SPATA31D1: variants seen among roughly 807,000 people sequenced by gnomAD.
The protein encoded by SPATA31D1 is SPATA31 subfamily D member 1, also known as spermatogenesis-associated protein 31D1.
A neutral mutation model predicts 13.2 loss-of-function variants in SPATA31D1; 6 were observed. The observed-to-expected ratio is 0.46, with a 90% confidence interval of 0.25 to 0.90. The LOEUF is 0.90. Ranked by LOEUF, SPATA31D1 falls within the 40% of genes least tolerant of loss-of-function variation. SPATA31D1 has a pLI of 0.18. For missense variants in SPATA31D1, 2,445 were observed against 1,884.7 expected (o/e 1.30, Z -5.50); for synonymous variants, 903 against 718.8 (o/e 1.26, Z -4.10).
rs1248477394 is a variant in SPATA31D1 at position 81,994,845 on chromosome 9, T to C, written c.4375T>C (p.Cys1459Arg). ...VRAEPVQGCP[C>R]NYRAPSCKVT... ...AGCAGAGCCTGTCCAGGGCTGTCCC[T>C]GCAACTACAGGGCTCCCTCCTGCAA... is the stretch of plus-strand genomic sequence containing the variant. Residue 1459 changes from cysteine to arginine, a missense_variant, in exon 4 of 4, where the codon TGC becomes CGC. By Grantham distance (180) the Cys-to-Arg change is radical. Coordinates refer to ENST00000344803, the MANE Select transcript of SPATA31D1 (RefSeq NM_001001670.3). The C allele has an allele frequency of 6.2e-7, 1 of 1,613,958 alleles. No individual in the cohort carries two copies. Among genetic ancestry groups the C allele is most frequent in the Non-Finnish European group, 8.5e-7 (1 of 1,179,880 alleles).
At position 81,993,521 on chromosome 9, in the gene SPATA31D1, C is replaced by G. The variant is rs1352246495; in HGVS notation, c.3051C>G (p.Ser1017=). ...ACCATGACCTTATAGAGACAGATTCCAAAGACGGGGCCTCCACATCCCTTA... is the reference window on the plus strand; with the variant it reads ...ACCATGACCTTATAGAGACAGATTCGAAAGACGGGGCCTCCACATCCCTTA... ...DTDHDLIETD[S]KDGASTSLRR... is the part of the protein sequence containing the mutation. Residue 1017 remains serine, a synonymous_variant, in exon 4 of 4, where the codon TCC becomes TCG. Transcript: ENST00000344803. 1.2e-6 allele frequency: 2 copies of G among 1,613,582 alleles called. No homozygotes were observed.
intron 3 of SPATA31D1, 88 bp from the exon 4 acceptor site, chr9:81,990,685 G>A: frequency 6.7e-7 from 1 of 1,494,246 alleles, no homozygotes; most frequent in Non-Finnish European, 9.0e-7. Context: ...CCTGGGTTGG[G>A]GGCAATGTGA....
chr9:81,989,897 A>G, intron 2 of SPATA31D1, 74 bp downstream of exon 2: 2 of 1,520,534 alleles, frequency 1.3e-6, no homozygotes, highest in Non-Finnish European at 1.8e-6. Flanking sequence ...CAGTCCCATG[A>G]TTTCTTAGAA....
At position 81,993,316 on chromosome 9, in the gene SPATA31D1, C is replaced by T; in HGVS notation, c.2846C>T (p.Thr949Ile). Reference sequence around the variant, plus strand: ...CATTTCGACCTTCCCTCCTCAGCCACCTTCATCTCTCAGGGAGATTCCAAA... The same window carrying T: ...CATTTCGACCTTCCCTCCTCAGCCATCTTCATCTCTCAGGGAGATTCCAAA... ...FSHFDLPSSA[T>I]FISQGDSKDG... is the part of the protein sequence containing the mutation. Residue 949 changes from threonine (T) to isoleucine (I), a missense_variant, in exon 4 of 4, where the codon ACC (threonine) becomes ATC (isoleucine). Physicochemically the swap from Thr to Ile is moderately conservative, Grantham distance 89. Transcript: ENST00000344803. 1 of 1,613,994 alleles carries T rather than the reference C, an allele frequency of 6.2e-7. No homozygotes were observed. Among genetic ancestry groups the T allele is most frequent in the Non-Finnish European group, 8.5e-7 (1 of 1,179,894 alleles).
rs1481788155 is a variant in SPATA31D1 at position 81,991,441 on chromosome 9, T to TC, written c.971_972insC (p.Pro325SerfsTer23). ...TCAAGTCTCACCATCTTGAAGACTT[T>TC]TCCGGAAATGTTATCTCTAGGTGGC... On this transcript the variant is annotated frameshift_variant, in exon 4 of 4. Transcript: ENST00000344803. LOFTEE classifies it low-confidence loss of function (END_TRUNC). The TC allele has an allele frequency of 3.7e-6, 6 of 1,614,016 alleles. No individual in the cohort carries two copies. The highest frequency in any genetic ancestry group is 3.4e-6 in the Non-Finnish European group (4 of 1,179,890).
chr9:81,994,269 G>T lies in SPATA31D1; in HGVS notation c.3799G>T (p.Ala1267Ser). The T allele has an allele frequency of 6.2e-7, 1 of 1,614,002 alleles. No homozygotes were observed. The highest frequency in any genetic ancestry group is 8.5e-7 in the Non-Finnish European group (1 of 1,179,888). Reference sequence around the variant, plus strand: ...CTTGGAGGACAGCGGAATCCGTGTGGCACAGAAGCAGGAGCCCAGGGTCCC... The same window carrying T: ...CTTGGAGGACAGCGGAATCCGTGTGTCACAGAAGCAGGAGCCCAGGGTCCC... ...VHLEDSGIRV[A>S]QKQEPRVPTC... The change falls in exon 4 of 4, where the codon GCA becomes TCA. Residue 1267 changes from alanine to serine, a missense_variant. Transcript: ENST00000344803.
chr9:81,991,672 C>G lies in SPATA31D1; in HGVS notation c.1202C>G (p.Pro401Arg), dbSNP rs779287725. 1.9e-6 allele frequency: 3 copies of G among 1,613,938 alleles called. No individual in the cohort carries two copies. Among genetic ancestry groups the G allele is most frequent in the Non-Finnish European group, 2.5e-6 (3 of 1,179,884 alleles). Residue 401 changes from proline (P) to arginine (R), a missense_variant, in exon 4 of 4, where the codon CCT (proline) becomes CGT (arginine). By Grantham distance (103) the Pro-to-Arg change is moderately radical. Coordinates refer to ENST00000344803, the MANE Select transcript of SPATA31D1 (RefSeq NM_001001670.3). The stretch of plus-strand genomic sequence containing the variant: ...CACTCTGTGGCCAACCTCATAGAGC[C>G]TGTTAACATCTCATTTCTCAGCCAT... The part of the protein sequence containing the change: ...GGHSVANLIE[P>R]VNISFLSHDI...
upstream of SPATA31D1, among the ~76,000 whole-genome samples, chr9:81,987,697 T>C (rs1824880084): frequency 6.6e-6 from 1 of 152,204 alleles, no homozygotes; most frequent in Non-Finnish European, 1.5e-5. Context: ...GTTTTATAGA[T>C]GTTAAATAAT....
chr9:81,992,756 T>A lies in SPATA31D1; in HGVS notation c.2286T>A (p.Asn762Lys). The A allele has an allele frequency of 4.3e-6, 7 of 1,613,788 alleles. No individual in the cohort carries two copies. The highest frequency in any genetic ancestry group is 5.9e-6 in the Non-Finnish European group (7 of 1,179,726). Reference sequence around the variant, plus strand: ...GAAGCTTCCACGAGAGGAGCTCAAATATGCTTTCCATGGAGAATGTGGGGA... The same window carrying A: ...GAAGCTTCCACGAGAGGAGCTCAAAAATGCTTTCCATGGAGAATGTGGGGA... ...FPRSFHERSSNMLSMENVGNY... is the reference protein window; with the variant it reads ...FPRSFHERSSKMLSMENVGNY... The change falls in exon 4 of 4, where the codon AAT becomes AAA. Residue 762 changes from asparagine (N) to lysine (K), a missense_variant. Transcript: ENST00000344803.
rs781008800 is a variant in SPATA31D1 at position 81,992,083 on chromosome 9, C to T, written c.1613C>T (p.Thr538Ile). Residue 538 changes from threonine (T) to isoleucine (I), a missense_variant, in exon 4 of 4, where the codon ACA (threonine) becomes ATA (isoleucine). Physicochemically the swap from Thr to Ile is moderately conservative, Grantham distance 89 (BLOSUM62 -1). Transcript: ENST00000344803. ...MFVFFNGITNTSISHESPVLP... is the reference protein window; with the variant it reads ...MFVFFNGITNISISHESPVLP... ...GTATTCTTCAATGGCATTACAAATA[C>T]ATCTATATCCCATGAATCCCCAGTA... The T allele has an allele frequency of 5.0e-6, 8 of 1,613,616 alleles. No homozygotes were observed. The highest frequency in any genetic ancestry group is 6.8e-6 in the Non-Finnish European group (8 of 1,179,734).
rs1464279857 is a variant in SPATA31D1 at position 81,991,634 on chromosome 9, C to G, written c.1164C>G (p.Ala388=). ...TTCTTACCCTTCATTCTTCTGAGGC[C>G]TTTTTAGGGGGGCACTCTGTGGCCA... is the stretch of plus-strand genomic sequence containing the variant. ...EELLTLHSSE[A]FLGGHSVANL... Residue 388 remains alanine (A), a synonymous_variant, in exon 4 of 4, where the codon GCC becomes GCG. Coordinates refer to ENST00000344803, the MANE Select transcript of SPATA31D1 (RefSeq NM_001001670.3). 2 of 1,613,770 alleles carry G rather than the reference C, an allele frequency of 1.2e-6. No individual in the cohort carries two copies. The highest frequency in any genetic ancestry group is 1.7e-5 in the Admixed American group (1 of 59,998).
At position 81,991,373 on chromosome 9, in the gene SPATA31D1, A is replaced by G; in HGVS notation, c.903A>G (p.Pro301=). The part of the protein sequence containing the change: ...SCARHHGPPI[P]SALPPEDCTV... ...CTCGTCATCACGGACCACCAATCCCATCTGCTTTACCACCGGAAGATTGCA... is the reference window on the plus strand; with the variant it reads ...CTCGTCATCACGGACCACCAATCCCGTCTGCTTTACCACCGGAAGATTGCA... The change falls in exon 4 of 4, where the codon CCA becomes CCG. Residue 301 remains proline (P), a synonymous_variant. Coordinates refer to ENST00000344803, the MANE Select transcript of SPATA31D1 (RefSeq NM_001001670.3). The G allele has an allele frequency of 6.2e-7, 1 of 1,613,986 alleles. No homozygotes were observed. The highest frequency in any genetic ancestry group is 2.2e-5 in the East Asian group (1 of 44,874).
In SPATA31D1 at chr9:81,994,636, G is replaced by T; in HGVS notation, c.4166G>T (p.Gly1389Val). Residue 1389 changes from glycine to valine, a missense_variant, in exon 4 of 4, where the codon GGT becomes GTT. Physicochemically the swap from Gly to Val is moderately radical, Grantham distance 109. Coordinates refer to ENST00000344803, the MANE Select transcript of SPATA31D1 (RefSeq NM_001001670.3). ...CTGTCATCATGTGTGCAGAATATTG[G>T]TCGAGTTATAAGAGCTGCCTTTACT... is the stretch of plus-strand genomic sequence containing the variant. ...SSLSSCVQNI[G>V]RVIRAAFTGT... The T allele has an allele frequency of 2.5e-6, 4 of 1,613,334 alleles. No individual in the cohort carries two copies. Among genetic ancestry groups the T allele is most frequent in the South Asian group, 1.1e-5 (1 of 90,892 alleles).
At position 81,989,833 on chromosome 9, in the gene SPATA31D1, G is replaced by C. The variant is rs746443824; in HGVS notation, c.232+10G>C. On this transcript the variant is annotated intron_variant, in intron 2 of 3. Coordinates refer to ENST00000344803, the MANE Select transcript of SPATA31D1 (RefSeq NM_001001670.3). ...GGTGGGACATTCAAAGGTAATGTCA[G>C]CCTGCTCTATCTGAGCTTCAGGGGT... The C allele has an allele frequency of 5.6e-6, 9 of 1,613,196 alleles. No individual in the cohort carries two copies. Among genetic ancestry groups the C allele is most frequent in the Non-Finnish European group, 7.6e-6 (9 of 1,179,478 alleles).
rs765589245 is a variant in SPATA31D1 at position 81,995,058 on chromosome 9, A to G, written c.4588A>G (p.Thr1530Ala). The G allele has an allele frequency of 8.1e-6, 13 of 1,613,328 alleles. No homozygotes were observed. In the East Asian group the frequency reaches 2.7e-4, roughly 33 times the overall value. ...HRKPVPHPNP[T>A]CRRQVSLVCP... ...GAAGCCTGTGCCACATCCAAACCCCACTTGCCGGCGTCAGGTCAGCCTGGT... is the reference window on the plus strand; with the variant it reads ...GAAGCCTGTGCCACATCCAAACCCCGCTTGCCGGCGTCAGGTCAGCCTGGT... The change falls in exon 4 of 4, where the codon ACT (threonine) becomes GCT (alanine). Residue 1530 changes from threonine to alanine, a missense_variant. Thr to Ala is a moderately conservative substitution (Grantham distance 58, BLOSUM62 0). Transcript: ENST00000344803.
intron 2 of SPATA31D1, chr9:81,990,077 A>T: frequency 3.8e-6 from 2 of 528,892 alleles, no homozygotes. Flanking sequence ...CAACTGAGAT[A>T]TCCAGGAGGG....
rs752421730 is a variant in SPATA31D1, at chr9:81,992,137, C to G, written c.1667C>G (p.Pro556Arg). The change falls in exon 4 of 4, where the codon CCT (proline) becomes CGT (arginine). Residue 556 changes from proline to arginine, a missense_variant. By Grantham distance (103) the Pro-to-Arg change is moderately radical. Transcript: ENST00000344803. ...CCCCCTCCCCAACCTCTGTCCTTGC[C>G]TAGTACCCAACCACTACCCTTGCCT... Reference protein sequence around the residue: ...VLPPPQPLSLPSTQPLPLPQT... With the variant: ...VLPPPQPLSLRSTQPLPLPQT... 11 of 1,613,568 alleles carry G rather than the reference C, an allele frequency of 6.8e-6. No individual in the cohort carries two copies. In the African/African-American group the frequency reaches 1.5e-4, roughly 22 times the overall value.
Position 81,994,033 on chromosome 9 carries a change from G to T in SPATA31D1, c.3563G>T (p.Arg1188Ile). 1.2e-6 allele frequency: 2 copies of T among 1,613,850 alleles called. No individual in the cohort carries two copies. Among genetic ancestry groups the T allele is most frequent in the Non-Finnish European group, 1.7e-6 (2 of 1,179,774 alleles). The change falls in exon 4 of 4, where the codon AGA (arginine) becomes ATA (isoleucine). Residue 1188 changes from arginine to isoleucine, a missense_variant. Arg to Ile is a moderately conservative substitution (Grantham distance 97, BLOSUM62 -3). Coordinates refer to ENST00000344803, the MANE Select transcript of SPATA31D1 (RefSeq NM_001001670.3). ...TSNETEIFPP[R>I]ISVPQDPKSS... is the part of the protein sequence containing the mutation. ...AATGAAACTGAAATTTTCCCACCAA[G>T]AATATCAGTTCCTCAAGATCCTAAA... is the stretch of plus-strand genomic sequence containing the variant.
rs1824921282 is a variant in SPATA31D1, at chr9:81,990,063, T to G, written c.232+240T>G. 5.6e-6 allele frequency: 3 copies of G among 533,528 alleles called. No homozygotes were observed. The East Asian group carries it at 9.3e-5, about 16-fold the overall frequency. 33.0% of individuals were successfully genotyped at this position (533,528 alleles called of 1,614,324 possible). A position where few individuals can be genotyped will look rare whatever the true frequency, so the allele number is the denominator to read the frequency against. On this transcript the variant is annotated intron_variant, in intron 2 of 3. Transcript: ENST00000344803. ...TGAGCAATGGGTGTTGCCCAATTGGTGGCCAACTGAGATATCCAGGAGGGA... is the reference window on the plus strand; with the variant it reads ...TGAGCAATGGGTGTTGCCCAATTGGGGGCCAACTGAGATATCCAGGAGGGA...
Sources: gnomAD v4.1 joint callset for allele counts (sites outside exome capture counted in the v4.1 genomes callset) on GRCh38, gnomAD v4.1.1 for gene constraint, MANE v1.5 for transcripts, NCBI Gene and HGNC (gene_info 2026-07-23, HGNC 2026-07-21) for gene names.